Variants in GABPB1 observed in about 807,000 individuals in gnomAD.
GABPB1 encodes the protein GA-binding protein subunit beta-1.
In GABPB1, 15 loss-of-function variants were observed where a neutral mutation model predicts 45.9. The observed-to-expected ratio is 0.33, with a 90% CI of 0.22 to 0.50. The LOEUF (loss-of-function observed/expected upper bound fraction) is 0.50, where lower values mean the gene tolerates loss of function less well. Among genes scored for constraint, GABPB1 ranks in the 20% least tolerant of loss-of-function variants. The pLI, the probability that GABPB1 is intolerant of heterozygous loss-of-function variation, is 0.98. For missense variants in GABPB1, 252 were observed against 457.5 expected (o/e 0.55, Z 4.10); for synonymous variants, 143 against 154.4 (o/e 0.93, Z 0.55).
chr15:50,309,518 G>C (rs1160133163), intron 2 of GABPB1, among the ~76,000 whole-genome samples, 173 bp downstream of exon 2: 1 of 152,044 alleles, frequency 6.6e-6, no homozygotes, highest in African/African-American at 2.4e-5. Flanking sequence ...CAATATCAAA[G>C]AAAATAATAT....
At position 50,304,122 on chromosome 15, in the gene GABPB1, A is replaced by G; in HGVS notation, c.120T>C (p.Ser40=). Residue 40 remains serine (S), a synonymous_variant, in exon 3 of 9, where the codon TCT becomes TCC. Transcript: ENST00000380877. Reference sequence around the variant, plus strand: ...CATACTGTGCTGCTAGATGAAGTGGAGAAGTTCCCAGCTGTACCACAGAAA... The same window carrying G: ...CATACTGTGCTGCTAGATGAAGTGGGGAAGTTCCCAGCTGTACCACAGAAA... The part of the protein sequence containing the change: ...APFTTDWLGT[S]PLHLAAQYGH... 1.9e-6 allele frequency: 3 copies of G among 1,592,430 alleles called. No individual in the cohort carries two copies. The highest frequency in any genetic ancestry group is 2.6e-6 in the Non-Finnish European group (3 of 1,172,206).
intron 1 of GABPB1, chr15:50,354,229 A>G (rs533554918): frequency 4.6e-5 from 16 of 348,050 alleles, no homozygotes; most frequent in Admixed American, 4.2e-4. Flanking sequence ...TTCTTCCCTG[A>G]GGCAGTGCAC....
At chr15:50,327,522 G>A (rs2047811495) in intron 1 of GABPB1, among the ~76,000 whole-genome samples, 1 of 152,192 alleles carries the variant, frequency 6.6e-6, no homozygotes, top group South Asian at 2.1e-4. Context: ...CCATCTGGTA[G>A]GGAAGACATA....
intron 1 of GABPB1, among the ~76,000 whole-genome samples, chr15:50,334,035 A>T (rs1190031801): frequency 7.9e-5 from 12 of 151,626 alleles, no homozygotes; most frequent in Non-Finnish European, 1.5e-5. Flanking sequence ...GATCTCAAAA[A>T]AAAAAAAAAG....
rs552203074 is a variant in GABPB1, at chr15:50,282,560, G to GAAAAA, written c.999+3503_999+3507dup. ...CAAAGTGAGACCCTGCCTTAAAAAAGAAAAAAAAAAAAAAACAGAGACGGA... is the reference window on the plus strand; with the variant it reads ...CAAAGTGAGACCCTGCCTTAAAAAAGAAAAAAAAAAAAAAAAAAAACAGAGACGGA... On this transcript the variant is annotated intron_variant, in intron 8 of 8. Coordinates refer to ENST00000380877, the MANE Select transcript of GABPB1 (RefSeq NM_016654.5). Among the ~76,000 whole-genome samples, 8 of 89,024 alleles carry GAAAAA rather than the reference G, an allele frequency of 9.0e-5. 2 individuals carry two copies. Among genetic ancestry groups the GAAAAA allele is most frequent in the South Asian group, 8.7e-4 (2 of 2,298 alleles). The allele number at this position is 89,024 out of a possible 152,430, so 58.4% of individuals were successfully genotyped here.
At position 50,275,802 on chromosome 15, in the gene GABPB1, A is replaced by G. The variant is rs2045832065; in HGVS notation, c.*2830T>C. Reference sequence around the variant, plus strand: ...AGTAATTAAGATATAAATAAAATAAATAACAATAAATGAAAATTAGTTGAG... The same window carrying G: ...AGTAATTAAGATATAAATAAAATAAGTAACAATAAATGAAAATTAGTTGAG... On this transcript the variant is annotated 3_prime_UTR_variant, in exon 9 of 9. Coordinates refer to ENST00000380877, the MANE Select transcript of GABPB1 (RefSeq NM_016654.5). The G allele has an allele frequency of 6.6e-6, 1 of 152,254 alleles. No homozygotes were observed. Among genetic ancestry groups the G allele is most frequent in the Admixed American group, 6.5e-5 (1 of 15,284 alleles). 9.4% of individuals were successfully genotyped at this position (152,254 alleles called of 1,614,324 possible). A position where few individuals can be genotyped will look rare whatever the true frequency, so the allele number is the denominator to read the frequency against.
chr15:50,282,560 G>GAAAAAAAAAAAAAGA (rs2046015083), intron 8 of GABPB1, among the ~76,000 whole-genome samples: 1 of 88,992 alleles, frequency 1.1e-5, no homozygotes, highest in African/African-American at 3.8e-5. Context: ...CCTTAAAAAA[G>GAAAAAAAAAAAAAGA]AAAAAAAAAA....
intron 1 of GABPB1, among the ~76,000 whole-genome samples, chr15:50,325,396 G>A (rs555561799): frequency 1.1e-4 from 16 of 150,664 alleles, no homozygotes; most frequent in African/African-American, 1.5e-4. Flanking sequence ...TGCAAATCTC[G>A]TCACTCCCTG....
intron 1 of GABPB1, among the ~76,000 whole-genome samples, chr15:50,332,206 T>C (rs1228680780): frequency 1.3e-5 from 2 of 152,110 alleles, no homozygotes; most frequent in Non-Finnish European, 2.9e-5. Context: ...TCCTTTGTTG[T>C]TGCTGCCTTC....
At chr15:50,313,965 G>A (rs746384550) in intron 1 of GABPB1, among the ~76,000 whole-genome samples, 1 of 152,036 alleles carries the variant, frequency 6.6e-6, no homozygotes, top group Non-Finnish European at 1.5e-5. Context: ...AAAAAACAAA[G>A]AAAATGTATA....
At chr15:50,332,430 T>C (rs991512903) in intron 1 of GABPB1, among the ~76,000 whole-genome samples, 16 of 152,208 alleles carry the variant, frequency 1.1e-4, no homozygotes, top group African/African-American at 3.9e-4. Flanking sequence ...CCTGTTTGGA[T>C]TCCAGTTTGA....
chr15:50,339,263 A>G (rs1463666249), intron 1 of GABPB1, among the ~76,000 whole-genome samples: 1 of 152,224 alleles, frequency 6.6e-6, no homozygotes, highest in Non-Finnish European at 1.5e-5. Context: ...GGTTGCAGTG[A>G]GCCAAGATCA....
intron 7 of GABPB1, among the ~76,000 whole-genome samples, chr15:50,288,535 G>C (rs924213927): frequency 1.3e-5 from 2 of 152,180 alleles, no homozygotes; most frequent in Non-Finnish European, 2.9e-5. Context: ...CCTTCTGAGA[G>C]AGCATGTTTA....
chr15:50,330,129 C>T (rs1481349594), intron 1 of GABPB1, among the ~76,000 whole-genome samples: 3 of 152,040 alleles, frequency 2.0e-5, no homozygotes, highest in Non-Finnish European at 4.4e-5. Flanking sequence ...GTCTCAAACT[C>T]CGGGGCTCAA....
At chr15:50,304,625 C>A (rs192376776) in intron 2 of GABPB1, among the ~76,000 whole-genome samples, 1 of 151,414 alleles carries the variant, frequency 6.6e-6, no homozygotes, top group Non-Finnish European at 1.5e-5. Flanking sequence ...GCAGGAGAAT[C>A]GCTTGAACCC....
chr15:50,290,767 G>C (rs1334980248), intron 6 of GABPB1, among the ~76,000 whole-genome samples: 1 of 152,166 alleles, frequency 6.6e-6, no homozygotes, highest in African/African-American at 2.4e-5. Flanking sequence ...ATAGTAAATA[G>C]TGTATGTTAA....
chr15:50,304,624 T>C (rs917191758), intron 2 of GABPB1, among the ~76,000 whole-genome samples: 1 of 150,508 alleles, frequency 6.6e-6, no homozygotes, highest in African/African-American at 2.5e-5. Context: ...GGCAGGAGAA[T>C]CGCTTGAACC....
chr15:50,348,234 A>G (rs1312316680), intron 1 of GABPB1, among the ~76,000 whole-genome samples: 4 of 152,130 alleles, frequency 2.6e-5, no homozygotes, highest in African/African-American at 7.2e-5. Flanking sequence ...ATAGAATCAC[A>G]GTCAGGACCA....
chr15:50,323,885 C>CATAA (rs972236083), intron 1 of GABPB1, among the ~76,000 whole-genome samples: 142 of 152,042 alleles, frequency 9.3e-4, no homozygotes, highest in African/African-American at 3.3e-3. Context: ...TTAATTAATT[C>CATAA]ATAAATAAAT....
Sources: allele counts gnomAD v4.1 joint callset (sites outside exome capture counted in the v4.1 genomes callset), GRCh38; gene constraint gnomAD v4.1.1; transcripts MANE v1.5; gene names NCBI Gene and HGNC (gene_info 2026-07-23, HGNC 2026-07-21).